DENND10: variants seen among roughly 807,000 people sequenced by gnomAD.
DENND10 encodes the protein DENN domain-containing protein 10.
A neutral mutation model predicts 43.6 loss-of-function variants in DENND10; 24 were observed. The observed-to-expected ratio is 0.55, with a 90% CI of 0.40 to 0.77. DENND10 has a LOEUF of 0.77. Among genes scored for constraint, DENND10 ranks in the 30% least tolerant of loss-of-function variants. DENND10 has a pLI of 0.00. For synonymous variants in DENND10, 125 were observed against 157.6 expected, an observed-to-expected ratio of 0.79 and a Z score of 1.55; for missense variants, 303 against 429.9, an observed-to-expected ratio of 0.70 and a Z score of 2.61.
chr10:119,114,515 C>T (rs1845147466), intron 3 of DENND10: 1 of 152,258 alleles, frequency 6.6e-6, no homozygotes, highest in South Asian at 2.1e-4. Context: ...TCGCTTGCTG[C>T]TAGTGGCCCT....
At chr10:119,111,735 CTT>C in intron 2 of DENND10, 112 bp from the exon 3 acceptor site, 1 of 789,604 alleles carries the variant, frequency 1.3e-6, no homozygotes, top group Middle Eastern at 2.7e-4. Context: ...AAATTTTGGT[CTT>C]TTTCTTTTAA....
At chr10:119,118,691 G>C (rs564934110) in intron 4 of DENND10, among the ~76,000 whole-genome samples, 2 of 152,046 alleles carry the variant, frequency 1.3e-5, no homozygotes, top group South Asian at 4.2e-4. Flanking sequence ...TTCCTTTTGA[G>C]ACAGGGTCTT....
intron 5 of DENND10, 74 bp downstream of exon 5, chr10:119,120,526 T>G (rs1384510571): frequency 1.1e-6 from 1 of 925,312 alleles, no homozygotes; most frequent in Non-Finnish European, 1.8e-6. Context: ...TACTGTGTGC[T>G]CTGCTGTGTT....
chr10:119,116,529 A>C (rs1845282272), intron 3 of DENND10, among the ~76,000 whole-genome samples: 1 of 152,190 alleles, frequency 6.6e-6, no homozygotes, highest in Non-Finnish European at 1.5e-5. Flanking sequence ...AACATTCTTG[A>C]GAATCCTGGG....
intron 5 of DENND10, among the ~76,000 whole-genome samples, chr10:119,121,445 CT>C (rs773938225): frequency 0.025 from 2,776 of 112,888 alleles, 10 homozygotes; most frequent in African/African-American, 0.047. Context: ...CCATTAGGTC[CT>C]TTTTTTTTTT....
intron 1 of DENND10, 62 bp downstream of exon 1, chr10:119,104,259 G>T: frequency 7.1e-7 from 1 of 1,408,902 alleles, no homozygotes; most frequent in Non-Finnish European, 9.4e-7. Context: ...CTCCACCTCG[G>T]CCCGGGGCAG....
chr10:119,125,501 CTTTT>C (rs34630434), intron 6 of DENND10, among the ~76,000 whole-genome samples: 1 of 65,850 alleles, frequency 1.5e-5, no homozygotes, highest in African/African-American at 5.0e-5. Context: ...TTCTAGTTTT[CTTTT>C]TTTTTTTTTT....
At chr10:119,114,616 T>C (rs1268267426) in intron 3 of DENND10, 1 of 152,292 alleles carries the variant, frequency 6.6e-6, no homozygotes, top group Non-Finnish European at 1.5e-5. Context: ...AACAAGGTGC[T>C]TGGGGTCGCA....
rs559800961 is a variant in DENND10 at position 119,132,808 on chromosome 10, C to T, written c.897+199C>T. ...GCCTGATCTAGTTAGTTACTGGGCT[C>T]GAGGGCAGGTATACACAGGGGCTGG... On this transcript the variant is annotated intron_variant, in intron 8 of 8. Coordinates refer to ENST00000361432, the MANE Select transcript of DENND10 (RefSeq NM_207009.4). The surrounding 1 kb of genome is among the most constrained non-coding windows in gnomAD (Gnocchi z 4.2). 1.2e-4 allele frequency: 70 copies of T among 584,332 alleles called. No homozygotes were observed. The highest frequency in any genetic ancestry group is 4.0e-4 in the Middle Eastern group (1 of 2,498). The allele number at this position is 584,332 out of a possible 1,614,324, so 36.2% of individuals were successfully genotyped here. A position where few individuals can be genotyped will look rare whatever the true frequency, so the allele number is the denominator to read the frequency against.
At chr10:119,121,942 A>G (rs1845600159) in intron 5 of DENND10, among the ~76,000 whole-genome samples, 1 of 152,218 alleles carries the variant, frequency 6.6e-6, no homozygotes, top group Non-Finnish European at 1.5e-5. Flanking sequence ...TGAAAAGAAC[A>G]AAGGCTTCAT....
intron 1 of DENND10, 86 bp downstream of exon 1, chr10:119,104,283 G>T: frequency 7.5e-7 from 1 of 1,326,008 alleles, no homozygotes; most frequent in Non-Finnish European, 1.0e-6. Context: ...GGGCTCCCGC[G>T]GCCCCCGGCG....
intron 5 of DENND10, 46 bp downstream of exon 5, chr10:119,120,498 G>A: frequency 1.7e-6 from 2 of 1,201,814 alleles, no homozygotes; most frequent in Non-Finnish European, 2.5e-6. Context: ...TTGGCAGACA[G>A]TTCGCAGCAC....
At chr10:119,122,889 G>A (rs1429552994) in intron 5 of DENND10, among the ~76,000 whole-genome samples, 2 of 152,140 alleles carry the variant, frequency 1.3e-5, no homozygotes, top group African/African-American at 2.4e-5. Context: ...CCTTAGAAGC[G>A]TCACTCTTTG....
At chr10:119,131,747 C>T (rs1363724039) in intron 7 of DENND10, among the ~76,000 whole-genome samples, 1 of 152,204 alleles carries the variant, frequency 6.6e-6, no homozygotes, top group Non-Finnish European at 1.5e-5. Flanking sequence ...AATGCATGCT[C>T]ATGATGAAAA....
At chr10:119,106,762 C>T (rs1043871042) in intron 1 of DENND10, among the ~76,000 whole-genome samples, 15 of 152,116 alleles carry the variant, frequency 9.9e-5, no homozygotes, top group Non-Finnish European at 1.6e-4. Flanking sequence ...AAAAATTATT[C>T]GGCTGGGCAC....
At position 119,136,505 on chromosome 10, in the gene DENND10, A is replaced by G; in HGVS notation, c.932A>G (p.Asn311Ser). 6.2e-7 allele frequency: 1 copy of G among 1,602,262 alleles called. No individual in the cohort carries two copies. The highest frequency in any genetic ancestry group is 1.1e-5 in the South Asian group (1 of 88,510). The change falls in exon 9 of 9, where the codon AAC becomes AGC. Residue 311 changes from asparagine to serine, a missense_variant. By Grantham distance (46) the Asn-to-Ser change is conservative. Coordinates refer to ENST00000361432, the MANE Select transcript of DENND10 (RefSeq NM_207009.4). ...IALKTREIFT[N>S]LAPFSEVSAD... ...CTAAAAACAAGAGAAATCTTTACCA[A>G]CCTAGCACCGTTTTCAGAAGTTTCG... is the stretch of plus-strand genomic sequence containing the variant.
chr10:119,120,555 G>C, intron 5 of DENND10, 103 bp downstream of exon 5: 1 of 750,616 alleles, frequency 1.3e-6, no homozygotes. Flanking sequence ...GCTATAAATA[G>C]CATGTGGTGA....
At chr10:119,105,551 T>G in intron 1 of DENND10, 1 of 1,131,650 alleles carries the variant, frequency 8.8e-7, no homozygotes, top group Non-Finnish European at 1.1e-6. Flanking sequence ...AAACAAAACC[T>G]AAGTAACTTA....
At chr10:119,104,223 A>G in intron 1 of DENND10, 26 bp downstream of exon 1, 1 of 1,502,716 alleles carries the variant, frequency 6.7e-7, no homozygotes, top group South Asian at 1.3e-5. Flanking sequence ...CCCTGCCTGG[A>G]AGCCCGCACC....
Sources: gnomAD v4.1 joint callset for allele counts (sites outside exome capture counted in the v4.1 genomes callset) on GRCh38, gnomAD v4.1.1 for gene constraint, Gnocchi (gnomAD v3.1) non-coding constraint, MANE v1.5 for transcripts, NCBI Gene and HGNC (gene_info 2026-07-23, HGNC 2026-07-21) for gene names.